Variants in TNC observed in about 807,000 individuals in gnomAD.
The protein encoded by TNC is tenascin C.
TNC carries 109 observed loss-of-function variants against 202.4 expected under a neutral mutation model. The ratio of observed to expected loss-of-function variants is 0.54; its 90% CI spans 0.46 to 0.63. The LOEUF (loss-of-function observed/expected upper bound fraction) is 0.63, where lower values mean the gene tolerates loss of function less well. Ranked by LOEUF, TNC falls within the 30% of genes least tolerant of loss-of-function variation. The pLI is 0.00. For synonymous variants in TNC, 1,007 were observed against 1,089.7 expected (o/e 0.92, Z 1.50); for missense variants, 2,756 against 2,833.3 (o/e 0.97, Z 0.62).
intron 1 of TNC, among the ~76,000 whole-genome samples, chr9:115,110,509 G>A (rs886585300): frequency 2.0e-5 from 3 of 152,106 alleles, no homozygotes; most frequent in Non-Finnish European, 2.9e-5. Flanking sequence ...GGGGCAGGGG[G>A]TGGTGATCAA....
At chr9:115,030,074 C>G (rs1392235450) in intron 24 of TNC, among the ~76,000 whole-genome samples, 180 bp downstream of exon 24, 1 of 152,226 alleles carries the variant, frequency 6.6e-6, no homozygotes, top group Admixed American at 6.5e-5. Context: ...GCGTGTTTCC[C>G]ATTCTTTTGT....
intron 3 of TNC, among the ~76,000 whole-genome samples, 191 bp downstream of exon 3, chr9:115,085,673 T>A (rs574653534): frequency 2.6e-5 from 4 of 152,182 alleles, no homozygotes; most frequent in Non-Finnish European, 5.9e-5. Context: ...CTTAAATAGG[T>A]CACCTTGTAA....
At chr9:115,049,207 T>C (rs756519779) in intron 15 of TNC, among the ~76,000 whole-genome samples, 1 of 152,188 alleles carries the variant, frequency 6.6e-6, no homozygotes, top group Non-Finnish European at 1.5e-5. Context: ...GTAAATTCTG[T>C]CACCATCTCT....
intron 22 of TNC, among the ~76,000 whole-genome samples, chr9:115,034,398 C>A (rs1359232651): frequency 6.6e-6 from 1 of 152,174 alleles, no homozygotes; most frequent in Non-Finnish European, 1.5e-5. Context: ...AAAAGACAGA[C>A]CATGATCAAC....
At chr9:115,066,145 C>T (rs1328785499) in intron 10 of TNC, among the ~76,000 whole-genome samples, 1 of 152,080 alleles carries the variant, frequency 6.6e-6, no homozygotes, top group Non-Finnish European at 1.5e-5. Context: ...CTGGGAGAAG[C>T]AGATCTTATG....
chr9:115,045,541 ATTTTTTTTTTT>A (rs61415443), intron 17 of TNC, among the ~76,000 whole-genome samples: 7 of 110,116 alleles, frequency 6.4e-5, no homozygotes, highest in African/African-American at 2.1e-4. Context: ...TAAGTTTTTG[ATTTTTTTTTTT>A]TTTTTTTTTT....
chr9:115,112,096 G>A (rs1837120143), intron 1 of TNC, among the ~76,000 whole-genome samples: 1 of 152,178 alleles, frequency 6.6e-6, no homozygotes, highest in Non-Finnish European at 1.5e-5. Context: ...CTCGGTCCGT[G>A]TGAGTTAAGG....
Position 115,063,846 on chromosome 9 carries a change from C to G in TNC, c.3710G>C (p.Gly1237Ala). 6.2e-7 allele frequency: 1 copy of G among 1,614,088 alleles called. No individual in the cohort carries two copies. The highest frequency in any genetic ancestry group is 1.1e-5 in the South Asian group (1 of 91,068). The change falls in exon 12 of 28, where the codon GGG (glycine) becomes GCG (alanine). Residue 1237 changes from glycine (G) to alanine (A), a missense_variant. Physicochemically the swap from Gly to Ala is moderately conservative, Grantham distance 60. Transcript: ENST00000350763. ...GGTTGTGCTGAAGTCCTGAGTGACCCCGCGGATGGTGATGGTATAATGAGT... is the reference window on the plus strand; with the variant it reads ...GGTTGTGCTGAAGTCCTGAGTGACCGCGCGGATGGTGATGGTATAATGAGT... ...AATHYTITIR[G>A]VTQDFSTTPL...
chr9:115,059,665 G>C, intron 14 of TNC, 65 bp downstream of exon 14: 3 of 1,478,980 alleles, frequency 2.0e-6, no homozygotes, highest in African/African-American at 1.4e-5. Flanking sequence ...CTGACTCCGC[G>C]CATGATCTCT....
At position 115,084,387 on chromosome 9, in the gene TNC, C is replaced by A. The variant is rs1223820531; in HGVS notation, c.1953G>T (p.Glu651Asp). 6.2e-7 allele frequency: 1 copy of A among 1,614,234 alleles called. No homozygotes were observed. The highest frequency in any genetic ancestry group is 1.1e-5 in the South Asian group (1 of 91,084). ...GGGTGGGCGTGTACACGACAAGGTA[C>A]TCTGTGACCCGCATCTCATTGTCCC... ...LAWDNEMRVT[E>D]YLVVYTPTHE... The change falls in exon 4 of 28, where the codon GAG becomes GAT. Residue 651 changes from glutamate (E) to aspartate (D), a missense_variant. Transcript: ENST00000350763.
intron 20 of TNC, 52 bp downstream of exon 20, chr9:115,038,209 A>G: frequency 6.3e-7 from 1 of 1,585,664 alleles, no homozygotes; most frequent in Non-Finnish European, 8.6e-7. Flanking sequence ...GGAAGAGTTT[A>G]CAGCAGGAAA....
intron 21 of TNC, chr9:115,035,629 G>T: frequency 3.2e-6 from 1 of 307,950 alleles, no homozygotes. Context: ...CTAAGTAAGA[G>T]GATGGATGAA....
chr9:115,114,365 C>T (rs556298922), intron 1 of TNC, among the ~76,000 whole-genome samples: 18 of 152,288 alleles, frequency 1.2e-4, no homozygotes, highest in Admixed American at 9.2e-4. Flanking sequence ...GCCCCAAGGC[C>T]GATTTCACTT....
intron 7 of TNC, among the ~76,000 whole-genome samples, chr9:115,077,393 A>AT (rs1182232450): frequency 6.6e-6 from 1 of 151,556 alleles, no homozygotes; most frequent in Non-Finnish European, 1.5e-5. Flanking sequence ...GGGTTTTGCC[A>AT]TGTTGGCCAG....
intron 19 of TNC, among the ~76,000 whole-genome samples, chr9:115,039,146 C>G (rs1279227498): frequency 1.3e-5 from 2 of 152,162 alleles, no homozygotes; most frequent in East Asian, 3.9e-4. Flanking sequence ...CTTTTCTGAG[C>G]TTTGAGTGGT....
intron 1 of TNC, among the ~76,000 whole-genome samples, chr9:115,110,162 G>T (rs567372607): frequency 6.6e-6 from 1 of 152,136 alleles, no homozygotes; most frequent in African/African-American, 2.4e-5. Flanking sequence ...ATGAATAGGT[G>T]AAAAACATAA....
chr9:115,086,162 G>T lies in TNC; in HGVS notation c.1569C>A (p.Thr523=). ...DGQCVCEDGF[T]GPDCAELSCP... is the part of the protein sequence containing the mutation. ...AGGAGAGTTCTGCACAGTCAGGGCCGGTGAAGCCGTCCTCACAGACGCACT... is the reference window on the plus strand; with the variant it reads ...AGGAGAGTTCTGCACAGTCAGGGCCTGTGAAGCCGTCCTCACAGACGCACT... The change falls in exon 3 of 28, where the codon ACC becomes ACA. Residue 523 remains threonine (T), a synonymous_variant. Transcript: ENST00000350763. The T allele has an allele frequency of 6.2e-7, 1 of 1,613,974 alleles. No individual in the cohort carries two copies. Among genetic ancestry groups the T allele is most frequent in the South Asian group, 1.1e-5 (1 of 91,082 alleles).
At chr9:115,043,375 G>A (rs1830920717) in intron 17 of TNC, among the ~76,000 whole-genome samples, 1 of 152,090 alleles carries the variant, frequency 6.6e-6, no homozygotes, top group African/African-American at 2.4e-5. Flanking sequence ...GTGGCTGCCT[G>A]GGTTTTTGCC....
chr9:115,046,696 A>C lies in TNC; in HGVS notation c.4853-14T>G, dbSNP rs1257462598. The C allele has an allele frequency of 8.1e-6, 13 of 1,610,944 alleles. No individual in the cohort carries two copies. The East Asian group carries it at 2.7e-4, about 33-fold the overall frequency. On this transcript the variant is annotated splice_polypyrimidine_tract_variant and intron_variant, in intron 16 of 27. Transcript: ENST00000350763. Reference sequence around the variant, plus strand: ...CCGGTTCGGCTTCTAGAGGGAGAGAAAATGGTGGGAGAAGGAGGAAAGACA... The same window carrying C: ...CCGGTTCGGCTTCTAGAGGGAGAGACAATGGTGGGAGAAGGAGGAAAGACA...
Sources: gnomAD v4.1 joint callset for allele counts (sites outside exome capture counted in the v4.1 genomes callset) on GRCh38, gnomAD v4.1.1 for gene constraint, MANE v1.5 for transcripts, NCBI Gene and HGNC (gene_info 2026-07-23, HGNC 2026-07-21) for gene names.